ZNF835: variants seen among roughly 807,000 people sequenced by gnomAD.
ZNF835 encodes zinc finger protein 835.
For missense variants in ZNF835, 783 were observed against 758.4 expected (o/e 1.03, Z -0.38); for synonymous variants, 323 against 324.7 (o/e 0.99, Z 0.06).
rs760238869 is a variant in ZNF835 at position 56,664,925 on chromosome 19, C to T, written c.274G>A (p.Glu92Lys). Reference protein sequence around the residue: ...RCSAPGESPKERHPDSRQRER... With the variant: ...RCSAPGESPKKRHPDSRQRER... ...CGCTGGCGGCTGTCAGGATGCCTCT[C>T]CTTCGGGCTCTCCCCAGGCGCGCTG... The change falls in exon 2 of 2, where the codon GAG (glutamate) becomes AAG (lysine). Residue 92 changes from glutamate to lysine, a missense_variant. Transcript: ENST00000537055. The T allele has an allele frequency of 2.5e-6, 4 of 1,613,866 alleles. No individual in the cohort carries two copies. The African/African-American group carries it at 5.3e-5, about 22-fold the overall frequency.
In ZNF835 at chr19:56,663,854, G is replaced by A. The variant is rs1041242342; in HGVS notation, c.1345C>T (p.Pro449Ser). The A allele has an allele frequency of 2.5e-6, 4 of 1,613,410 alleles. No individual in the cohort carries two copies. Among genetic ancestry groups the A allele is most frequent in the Non-Finnish European group, 3.4e-6 (4 of 1,179,888 alleles). The change falls in exon 2 of 2, where the codon CCC (proline) becomes TCC (serine). Residue 449 changes from proline to serine, a missense_variant. Coordinates refer to ENST00000537055, the MANE Select transcript of ZNF835 (RefSeq NM_001005850.3). ...THTGERPYTC[P>S]ECGKAFSNRS... ...TTGCTGAAGGCCTTGCCGCACTCGG[G>A]GCAGGTGTAGGGCCGCTCGCCCGTG... is the stretch of plus-strand genomic sequence containing the variant.
chr19:56,664,732 T>C lies in ZNF835; in HGVS notation c.467A>G (p.His156Arg). The change falls in exon 2 of 2, where the codon CAC becomes CGC. Residue 156 changes from histidine (H) to arginine (R), a missense_variant. Coordinates refer to ENST00000537055, the MANE Select transcript of ZNF835 (RefSeq NM_001005850.3). ...AFSQSVHLTLHQRTHTGEKPY... is the reference protein window; with the variant it reads ...AFSQSVHLTLRQRTHTGEKPY... ...CTTCTCGCCCGTGTGCGTGCGCTGG[T>C]GCAGGGTCAGGTGCACGCTCTGGCT... The C allele has an allele frequency of 6.2e-7, 1 of 1,612,088 alleles. No individual in the cohort carries two copies. Among genetic ancestry groups the C allele is most frequent in the Non-Finnish European group, 8.5e-7 (1 of 1,178,656 alleles).
rs536911945 is a variant in ZNF835, at chr19:56,663,523, G to A, written c.*62C>T. 1.3e-6 allele frequency: 2 copies of A among 1,597,274 alleles called. No homozygotes were observed. The highest frequency in any genetic ancestry group is 2.2e-5 in the East Asian group (1 of 44,622). The stretch of plus-strand genomic sequence containing the variant: ...GAGCCTCGGTTTCCTCACAGGAAGC[G>A]TCGGGGATAACACAGTATCTCCCCC... On this transcript the variant is annotated 3_prime_UTR_variant, in exon 2 of 2. Coordinates refer to ENST00000537055, the MANE Select transcript of ZNF835 (RefSeq NM_001005850.3).
chr19:56,671,058 C>T (rs1289546886), intron 1 of ZNF835, among the ~76,000 whole-genome samples: 1 of 152,200 alleles, frequency 6.6e-6, no homozygotes, highest in Admixed American at 6.5e-5. Context: ...CACAGTGACA[C>T]TCGGGGACGG....
chr19:56,665,998 C>G (rs1222878092), intron 1 of ZNF835, among the ~76,000 whole-genome samples: 1 of 150,802 alleles, frequency 6.6e-6, no homozygotes, highest in Non-Finnish European at 1.5e-5. Context: ...GAATTGTGCC[C>G]CCTCAAAATT....
rs370279557 is a variant in ZNF835 at position 56,665,294 on chromosome 19, G to A, written c.-47-49C>T. The A allele has an allele frequency of 3.3e-6, 5 of 1,535,330 alleles. No individual in the cohort carries two copies. In the South Asian group the frequency reaches 5.7e-5, roughly 18 times the overall value. ...AAAATTAAATGTTGCCACTTGTCCT[G>A]AGCTGGAAAAATGGCTAACAGCTGA... On this transcript the variant is annotated intron_variant, in intron 1 of 1. Transcript: ENST00000537055.
intron 1 of ZNF835, among the ~76,000 whole-genome samples, chr19:56,670,775 C>T (rs1306250701): frequency 6.6e-6 from 1 of 152,218 alleles, no homozygotes; most frequent in Non-Finnish European, 1.5e-5. Context: ...TCTACAGGCT[C>T]GCACAGCCAG....
rs200247038 is a variant in ZNF835 at position 56,665,138 on chromosome 19, C to T, written c.61G>A (p.Glu21Lys). ...GAELEGNWKH[E>K]GQVEDLQENQ... ...TCCTGCAGGTCCTCAACCTGGCCCT[C>T]GTGTTTCCAGTTTCCTTCCAACTCT... Residue 21 changes from glutamate (E) to lysine (K), a missense_variant, in exon 2 of 2, where the codon GAG (glutamate) becomes AAG (lysine). Coordinates refer to ENST00000537055, the MANE Select transcript of ZNF835 (RefSeq NM_001005850.3). 6.2e-6 allele frequency: 10 copies of T among 1,614,066 alleles called. No homozygotes were observed. The South Asian group carries it at 6.6e-5, about 11-fold the overall frequency.
intron 1 of ZNF835, among the ~76,000 whole-genome samples, chr19:56,669,056 C>T (rs2045269170): frequency 6.6e-6 from 1 of 152,094 alleles, no homozygotes; most frequent in African/African-American, 2.4e-5. Flanking sequence ...TTTCTCCACA[C>T]CAACAACCAA....
chr19:56,669,416 C>G (rs899736585), intron 1 of ZNF835, among the ~76,000 whole-genome samples: 1 of 152,144 alleles, frequency 6.6e-6, no homozygotes, highest in Admixed American at 6.5e-5. Context: ...ACTTCCAGCC[C>G]TCTCCCCTCC....
chr19:56,664,997 C>T lies in ZNF835; in HGVS notation c.202G>A (p.Ala68Thr), dbSNP rs374874252. The change falls in exon 2 of 2, where the codon GCT (alanine) becomes ACT (threonine). Residue 68 changes from alanine (A) to threonine (T), a missense_variant. Transcript: ENST00000537055. ...SRIPRTISSP[A>T]ATQASVPDDS... Reference sequence around the variant, plus strand: ...TCGGGGACACTGGCTTGGGTAGCAGCAGGGCTCGATATGGTTCTTGGGATT... The same window carrying T: ...TCGGGGACACTGGCTTGGGTAGCAGTAGGGCTCGATATGGTTCTTGGGATT... 9.3e-6 allele frequency: 15 copies of T among 1,613,948 alleles called. No individual in the cohort carries two copies. The highest frequency in any genetic ancestry group is 1.0e-5 in the Non-Finnish European group (12 of 1,179,904).
rs575531381 is a variant in ZNF835, at chr19:56,670,216, CCTT to C, written c.-48+1357_-48+1359del. On this transcript the variant is annotated intron_variant, in intron 1 of 1. Transcript: ENST00000537055. The stretch of plus-strand genomic sequence containing the variant: ...CTTATTAAGAGTTGCAGAAGACACT[CCTT>C]CTACCCCTGTCACTCAGGAAATTCC... 4.6e-5 allele frequency among the ~76,000 whole-genome samples: 7 copies of C among 152,108 alleles called. No individual in the cohort carries two copies. The South Asian group carries it at 1.0e-3, about 22-fold the overall frequency.
At chr19:56,668,046 G>C (rs2045261136) in intron 1 of ZNF835, among the ~76,000 whole-genome samples, 1 of 152,110 alleles carries the variant, frequency 6.6e-6, no homozygotes, top group Admixed American at 6.5e-5. Context: ...TGCCCAGGCT[G>C]GAGTGCAGTG....
intron 1 of ZNF835, among the ~76,000 whole-genome samples, chr19:56,669,582 C>T (rs1420647080): frequency 7.5e-5 from 9 of 119,902 alleles, no homozygotes; most frequent in Non-Finnish European, 1.5e-4. Flanking sequence ...TACTTGGGGG[C>T]CTATCAGGAG....
Position 56,671,094 on chromosome 19 carries a change from A to C in ZNF835, c.-48+482T>G, listed in dbSNP as rs1474039252. 2.4e-3 allele frequency among the ~76,000 whole-genome samples: 240 copies of C among 101,094 alleles called. No homozygotes were observed. In the Middle Eastern group the frequency reaches 0.026, roughly 11 times the overall value. 66.3% of individuals were successfully genotyped at this position (101,094 alleles called of 152,430 possible). A position where few individuals can be genotyped will look rare whatever the true frequency, so the allele number is the denominator to read the frequency against. On this transcript the variant is annotated intron_variant, in intron 1 of 1. Coordinates refer to ENST00000537055, the MANE Select transcript of ZNF835 (RefSeq NM_001005850.3). ...GCTCACAGGCAGTCACACACCTGCA[A>C]GGCCTGGCACCGCCGAGTGAGCAGG...
rs189415202 is a variant in ZNF835 at position 56,665,256 on chromosome 19, A to G, written c.-47-11T>C. The G allele has an allele frequency of 3.1e-3, 4,878 of 1,598,470 alleles. 17 individuals are homozygous for G. Among genetic ancestry groups the G allele is most frequent in the Middle Eastern group, 0.015 (92 of 6,022 alleles). On this transcript the variant is annotated splice_polypyrimidine_tract_variant and intron_variant, in intron 1 of 1. Transcript: ENST00000537055. ...ATCTTTTCTCTGGGTCTGAAAAGAA[A>G]AAGATAGAAAAAAAAATTAAATGTT...
intron 1 of ZNF835, among the ~76,000 whole-genome samples, chr19:56,665,973 C>G (rs10423842): frequency 0.053 from 8,064 of 152,230 alleles, 677 homozygotes; most frequent in African/African-American, 0.18. Context: ...GCCCTGTAAT[C>G]TGGTGCTGTG....
intron 1 of ZNF835, among the ~76,000 whole-genome samples, chr19:56,667,725 C>T (rs1397838933): frequency 6.6e-6 from 1 of 152,108 alleles, no homozygotes; most frequent in African/African-American, 2.4e-5. Context: ...TGTGGTGGTG[C>T]TAGGAGGTGG....
In ZNF835 at chr19:56,664,412, A is replaced by T; in HGVS notation, c.787T>A (p.Ser263Thr). ...SACAKAFRFS[S>T]ALIRHQRIHT... ...ATGCGCTGGTGGCGGATGAGCGCTG[A>T]GGAGAAGCGGAAGGCCTTGGCGCAC... The change falls in exon 2 of 2, where the codon TCA becomes ACA. Residue 263 changes from serine to threonine, a missense_variant. Ser to Thr is a moderately conservative substitution (Grantham distance 58). Coordinates refer to ENST00000537055, the MANE Select transcript of ZNF835 (RefSeq NM_001005850.3). The T allele has an allele frequency of 6.2e-7, 1 of 1,611,140 alleles. No homozygotes were observed. The highest frequency in any genetic ancestry group is 8.5e-7 in the Non-Finnish European group (1 of 1,178,970).
Sources: allele counts gnomAD v4.1 joint callset (sites outside exome capture counted in the v4.1 genomes callset), GRCh38; gene constraint gnomAD v4.1.1; transcripts MANE v1.5; gene names NCBI Gene and HGNC (gene_info 2026-07-23, HGNC 2026-07-21).